ATRNL1: variants seen among roughly 807,000 people sequenced by gnomAD.
ATRNL1 encodes the protein attractin like 1, also known as attractin-like protein 1.
ATRNL1 carries 95 observed loss-of-function variants against 182.7 expected under a neutral mutation model. The ratio of observed to expected loss-of-function variants is 0.52; its 90% CI spans 0.44 to 0.62. The LOEUF is 0.62. Ranked by LOEUF, ATRNL1 falls within the 20% of genes least tolerant of loss-of-function variation. The probability of loss-of-function intolerance (pLI) is 0.00; values close to 1 mark genes in which losing one functional copy is unlikely to be tolerated. For synonymous variants in ATRNL1, 576 were observed against 568.3 expected, an observed-to-expected ratio of 1.01 and a Z score of -0.19; for missense variants, 1,471 against 1,679.5, an observed-to-expected ratio of 0.88 and a Z score of 2.17.
In ATRNL1 at chr10:115,296,321, C is replaced by T. The variant is rs541115421; in HGVS notation, c.2416-3713C>T. Among the ~76,000 whole-genome samples the T allele has an allele frequency of 3.9e-5, 6 of 152,236 alleles. No individual in the cohort carries two copies. In the East Asian group the frequency reaches 7.8e-4, roughly 20 times the overall value. On this transcript the variant is annotated intron_variant, in intron 15 of 28. Transcript: ENST00000355044. ...CCACTGCACTCCAGCACTCTCCCTT[C>T]GACACTCCAGTCAAAGCATAGCTCT...
At chr10:115,578,460 C>T (rs1228146789) in intron 26 of ATRNL1, among the ~76,000 whole-genome samples, 4 of 151,574 alleles carry the variant, frequency 2.6e-5, no homozygotes, top group Middle Eastern at 3.2e-3. Context: ...CAGGCTATTT[C>T]TTCTCTGTTC....
rs1332386891 is a variant in ATRNL1 at position 115,093,971 on chromosome 10, G to A, written c.221G>A (p.Cys74Tyr). 1 of 1,587,834 alleles carries A rather than the reference G, an allele frequency of 6.3e-7. No homozygotes were observed. The highest frequency in any genetic ancestry group is 8.6e-7 in the Non-Finnish European group (1 of 1,169,116). The change falls in exon 1 of 29, where the codon TGT (cysteine) becomes TAT (tyrosine). Residue 74 changes from cysteine (C) to tyrosine (Y), a missense_variant. Transcript: ENST00000355044. This position sits in a 1 kb window ranked among gnomAD's most constrained non-coding sequence, Gnocchi z 6.1. ...ACCGGCTCCTGCTTCTCGGGCCGCT[G>A]TGTCAACTCCACCTGCCTCTGCGAC... ...ERTGSCFSGR[C>Y]VNSTCLCDPG...
intron 28 of ATRNL1, among the ~76,000 whole-genome samples, chr10:115,894,720 G>A (rs116527518): frequency 3.2e-3 from 490 of 152,282 alleles, no homozygotes; most frequent in African/African-American, 0.011. Context: ...CAGAGAGAAT[G>A]ACAATATCAG....
Position 115,121,829 on chromosome 10 carries a change from A to G in ATRNL1, c.491+17A>G, listed in dbSNP as rs369075145. ...TGTACTTAGGTGAGTAATTATATTTAATCAGTTGCAGAAAAGTGACTGTGT... is the reference window on the plus strand; with the variant it reads ...TGTACTTAGGTGAGTAATTATATTTGATCAGTTGCAGAAAAGTGACTGTGT... On this transcript the variant is annotated intron_variant, in intron 3 of 28. Transcript: ENST00000355044. 3 of 1,237,338 alleles carry G rather than the reference A, an allele frequency of 2.4e-6. No homozygotes were observed. In the African/African-American group the frequency reaches 4.6e-5, roughly 19 times the overall value. 76.6% of individuals were successfully genotyped at this position (1,237,338 alleles called of 1,614,324 possible). A position where few individuals can be genotyped will look rare whatever the true frequency, so the allele number is the denominator to read the frequency against.
chr10:115,531,322 G>C (rs77396860), intron 25 of ATRNL1, among the ~76,000 whole-genome samples: 6 of 151,524 alleles, frequency 4.0e-5, no homozygotes, highest in Non-Finnish European at 7.4e-5. Flanking sequence ...TTGCCATTCT[G>C]ACTGGTGTGA....
chr10:115,475,822 C>G (rs1405205663), intron 24 of ATRNL1, among the ~76,000 whole-genome samples: 3 of 151,156 alleles, frequency 2.0e-5, no homozygotes, highest in African/African-American at 7.3e-5. Context: ...TTTACCTCAC[C>G]TTTTTAAAAC....
At chr10:115,253,705 C>T (rs1850985485) in intron 10 of ATRNL1, among the ~76,000 whole-genome samples, 1 of 152,088 alleles carries the variant, frequency 6.6e-6, no homozygotes, top group Non-Finnish European at 1.5e-5. Flanking sequence ...CCCATCAGCT[C>T]ATCATTTACA....
intron 10 of ATRNL1, among the ~76,000 whole-genome samples, chr10:115,260,267 G>A (rs782005928): frequency 5.9e-5 from 9 of 152,200 alleles, no homozygotes; most frequent in Non-Finnish European, 1.2e-4. Context: ...GGGATTAAAT[G>A]AAAGTATACA....
intron 27 of ATRNL1, among the ~76,000 whole-genome samples, chr10:115,808,542 C>T (rs185384694): frequency 8.0e-4 from 122 of 152,126 alleles, no homozygotes; most frequent in African/African-American, 2.7e-3. Context: ...ACGTAAAAGT[C>T]CAGGAATAGT....
Position 115,126,335 on chromosome 10 carries a change from G to A in ATRNL1, c.492-1258G>A, listed in dbSNP as rs547367429. Among the ~76,000 whole-genome samples the A allele has an allele frequency of 5.9e-5, 9 of 152,286 alleles. No individual in the cohort carries two copies. The South Asian group carries it at 1.9e-3, about 32-fold the overall frequency. On this transcript the variant is annotated intron_variant, in intron 3 of 28. Transcript: ENST00000355044. The stretch of plus-strand genomic sequence containing the variant: ...CACCTTCCAAAGTACTGGGATTACA[G>A]GCATGAGCCACTGCGCCTGGCCCAG...
chr10:115,429,516 T>A, intron 21 of ATRNL1, among the ~76,000 whole-genome samples: 1 of 152,148 alleles, frequency 6.6e-6, no homozygotes, highest in East Asian at 1.9e-4. Flanking sequence ...AATTCCTATC[T>A]TATTTTGTGA....
At chr10:115,410,144 T>C (rs1357829196) in intron 20 of ATRNL1, among the ~76,000 whole-genome samples, 3 of 152,082 alleles carry the variant, frequency 2.0e-5, no homozygotes, top group African/African-American at 7.2e-5. Context: ...TGTTCAGGAG[T>C]TTTGAAAATG....
intron 21 of ATRNL1, among the ~76,000 whole-genome samples, chr10:115,443,713 C>G (rs1340943794): frequency 6.6e-6 from 1 of 151,936 alleles, no homozygotes; most frequent in Non-Finnish European, 1.5e-5. Flanking sequence ...TTTCTTTGGA[C>G]ATCGCAATTT....
intron 19 of ATRNL1, among the ~76,000 whole-genome samples, chr10:115,334,902 C>T (rs1554936245): frequency 6.6e-6 from 1 of 151,924 alleles, no homozygotes; most frequent in African/African-American, 2.4e-5. Context: ...TGTCACTGTT[C>T]AAATGTATGA....
At chr10:115,630,760 AAT>A (rs1858434651) in intron 26 of ATRNL1, among the ~76,000 whole-genome samples, 1 of 147,430 alleles carries the variant, frequency 6.8e-6, no homozygotes, top group Non-Finnish European at 1.5e-5. Flanking sequence ...ATATATATTT[AAT>A]AGATATATAT....
At chr10:115,369,331 TG>T (rs1223659084) in intron 19 of ATRNL1, among the ~76,000 whole-genome samples, 2 of 91,964 alleles carry the variant, frequency 2.2e-5, no homozygotes, top group African/African-American at 4.2e-5. Context: ...CATGAGGGGA[TG>T]GGGGTTCTGT....
chr10:115,583,881 G>A (rs1555008755), intron 26 of ATRNL1, among the ~76,000 whole-genome samples: 2 of 151,192 alleles, frequency 1.3e-5, no homozygotes, highest in African/African-American at 4.8e-5. Context: ...GATATTGGCT[G>A]TGGGTTTGTC....
chr10:115,437,576 A>G (rs1554964985), intron 21 of ATRNL1, among the ~76,000 whole-genome samples: 1 of 152,036 alleles, frequency 6.6e-6, no homozygotes, highest in East Asian at 1.9e-4. Context: ...GTTTGCAAAT[A>G]GTTGTATTTA....
At chr10:115,474,236 CT>C (rs1848432629) in intron 24 of ATRNL1, among the ~76,000 whole-genome samples, 1 of 151,312 alleles carries the variant, frequency 6.6e-6, no homozygotes, top group South Asian at 2.1e-4. Flanking sequence ...GTAAGGTATT[CT>C]TGGTTGGTAG....
Sources: gnomAD v4.1 joint callset for allele counts (sites outside exome capture counted in the v4.1 genomes callset) on GRCh38, gnomAD v4.1.1 for gene constraint, Gnocchi (gnomAD v3.1) non-coding constraint, MANE v1.5 for transcripts, NCBI Gene and HGNC (gene_info 2026-07-23, HGNC 2026-07-21) for gene names.